THSD7B: variants seen among roughly 807,000 people sequenced by gnomAD.
The protein encoded by THSD7B is thrombospondin type 1 domain containing 7B, also known as thrombospondin type-1 domain-containing protein 7B.
In THSD7B, 138 loss-of-function variants were observed where a neutral mutation model predicts 213.6. That is an observed-to-expected ratio of 0.65 (90% CI 0.56 to 0.74). The LOEUF is 0.74. Ranked by LOEUF, THSD7B falls within the 30% of genes least tolerant of loss-of-function variation. The probability of loss-of-function intolerance (pLI) is 0.00; values close to 1 mark genes in which losing one functional copy is unlikely to be tolerated. For missense variants in THSD7B, 1,931 were observed against 1,991.5 expected, an observed-to-expected ratio of 0.97 and a Z score of 0.58; for synonymous variants, 742 against 687.0, an observed-to-expected ratio of 1.08 and a Z score of -1.25.
In THSD7B at chr2:137,616,561, C is replaced by T. The variant is rs114220495; in HGVS notation, c.3565+245C>T. On this transcript the variant is annotated intron_variant, in intron 18 of 27. Coordinates refer to ENST00000409968, the MANE Select transcript of THSD7B (RefSeq NM_001316349.2). ...AGAGAAGCTTAGAAAGATTTGGCAA[C>T]ATTTCAGCAAAATGTTGATTTAAGC... Among the ~76,000 whole-genome samples, 576 of 152,236 alleles carry T rather than the reference C, an allele frequency of 3.8e-3. 4 individuals are homozygous for T. Among genetic ancestry groups the T allele is most frequent in the African/African-American group, 0.013 (541 of 41,534 alleles).
At chr2:137,666,755 A>G (rs1225915259) in intron 26 of THSD7B, among the ~76,000 whole-genome samples, 3 of 152,122 alleles carry the variant, frequency 2.0e-5, no homozygotes, top group Non-Finnish European at 2.9e-5. Flanking sequence ...TTAGAGTGAC[A>G]GAAACAACTC....
chr2:137,142,395 G>C lies in THSD7B; in HGVS notation c.1370-17818G>C, dbSNP rs528959296. ...GCCCTCCTGACCAAAACACCTCTTAGAGGTAACTTTTCTCAATATCATTAC... is the reference window on the plus strand; with the variant it reads ...GCCCTCCTGACCAAAACACCTCTTACAGGTAACTTTTCTCAATATCATTAC... On this transcript the variant is annotated intron_variant, in intron 5 of 27. Coordinates refer to ENST00000409968, the MANE Select transcript of THSD7B (RefSeq NM_001316349.2). Among the ~76,000 whole-genome samples the C allele has an allele frequency of 3.3e-5, 5 of 152,254 alleles. No homozygotes were observed. In the East Asian group the frequency reaches 9.7e-4, roughly 29 times the overall value.
At chr2:136,844,975 G>T (rs1682984697) in intron 1 of THSD7B, among the ~76,000 whole-genome samples, 1 of 152,332 alleles carries the variant, frequency 6.6e-6, no homozygotes, top group Admixed American at 6.5e-5. Context: ...CCTTTCATAT[G>T]TGTTGATACC....
At chr2:137,555,997 A>G (rs1044826959) in intron 15 of THSD7B, among the ~76,000 whole-genome samples, 1 of 152,202 alleles carries the variant, frequency 6.6e-6, no homozygotes, top group African/African-American at 2.4e-5. Flanking sequence ...TAGAGAAAGA[A>G]GAGAAAAAGA....
At chr2:136,947,243 T>C (rs1482994883) in intron 2 of THSD7B, among the ~76,000 whole-genome samples, 1 of 152,144 alleles carries the variant, frequency 6.6e-6, no homozygotes, top group African/African-American at 2.4e-5. Flanking sequence ...CTATTCCACA[T>C]TGAAAGGCAA....
At chr2:137,210,492 G>A (rs1461213843) in intron 7 of THSD7B, among the ~76,000 whole-genome samples, 1 of 152,032 alleles carries the variant, frequency 6.6e-6, no homozygotes, top group Non-Finnish European at 1.5e-5. Flanking sequence ...CGTTCTTACA[G>A]TTATGTAGGA....
At chr2:136,961,851 T>C (rs1466088401) in intron 2 of THSD7B, among the ~76,000 whole-genome samples, 1 of 152,196 alleles carries the variant, frequency 6.6e-6, no homozygotes, top group African/African-American at 2.4e-5. Flanking sequence ...TTTAAGAATA[T>C]AAAATGATTT....
chr2:137,200,491 A>G (rs754608852), intron 7 of THSD7B, among the ~76,000 whole-genome samples: 6 of 152,102 alleles, frequency 3.9e-5, no homozygotes, highest in Non-Finnish European at 8.8e-5. Flanking sequence ...AGTAAAATGT[A>G]ACATACATAT....
intron 1 of THSD7B, among the ~76,000 whole-genome samples, chr2:136,819,687 C>CG (rs370779028): frequency 6.9e-6 from 1 of 144,006 alleles, no homozygotes; most frequent in African/African-American, 2.9e-5. Context: ...CTTGCTTATG[C>CG]CCCCCCCAGT....
At chr2:137,158,234 CT>C (rs1193321147) in intron 5 of THSD7B, among the ~76,000 whole-genome samples, 1 of 152,208 alleles carries the variant, frequency 6.6e-6, no homozygotes, top group African/African-American at 2.4e-5. Flanking sequence ...TCACAAACCC[CT>C]TCCCCATCTC....
At chr2:136,925,103 C>T (rs1203848939) in intron 2 of THSD7B, among the ~76,000 whole-genome samples, 1 of 152,090 alleles carries the variant, frequency 6.6e-6, no homozygotes, top group African/African-American at 2.4e-5. Flanking sequence ...TCCACACACA[C>T]AATGAGGTCA....
chr2:136,770,288 A>G (rs1681481689), intron 1 of THSD7B, among the ~76,000 whole-genome samples: 1 of 152,188 alleles, frequency 6.6e-6, no homozygotes, highest in African/African-American at 2.4e-5. Context: ...TTATAATAAG[A>G]CTAAGGCTTG....
chr2:136,863,779 A>C (rs1047550931), intron 1 of THSD7B, among the ~76,000 whole-genome samples: 3 of 152,190 alleles, frequency 2.0e-5, no homozygotes, highest in Admixed American at 2.0e-4. Context: ...AGCTTTCATT[A>C]TTGAGCTTCA....
At chr2:137,236,664 C>T (rs1432662001) in intron 9 of THSD7B, among the ~76,000 whole-genome samples, 2 of 152,176 alleles carry the variant, frequency 1.3e-5, no homozygotes, top group Non-Finnish European at 2.9e-5. Flanking sequence ...TCCATTTAAA[C>T]ATTTAACATT....
intron 20 of THSD7B, among the ~76,000 whole-genome samples, chr2:137,640,968 A>G (rs1682928070): frequency 6.6e-6 from 1 of 152,208 alleles, no homozygotes. Context: ...CACCAAATCT[A>G]TGATAATATT....
intron 5 of THSD7B, among the ~76,000 whole-genome samples, chr2:137,122,411 A>G (rs1688561638): frequency 6.6e-6 from 1 of 152,134 alleles, no homozygotes; most frequent in Non-Finnish European, 1.5e-5. Context: ...GCCTTAAAGG[A>G]AGTTCATGGT....
At chr2:137,264,406 C>T (rs1682530149) in intron 10 of THSD7B, among the ~76,000 whole-genome samples, 1 of 152,072 alleles carries the variant, frequency 6.6e-6, no homozygotes, top group African/African-American at 2.4e-5. Flanking sequence ...GCACCCGCCA[C>T]CATGCCTAAT....
intron 1 of THSD7B, among the ~76,000 whole-genome samples, chr2:136,809,901 G>A (rs1202103304): frequency 2.0e-5 from 3 of 152,184 alleles, no homozygotes; most frequent in Non-Finnish European, 4.4e-5. Context: ...GGTACTCACA[G>A]AATAGGCATG....
Position 137,139,861 on chromosome 2 carries a change from ATGATGTCAAATACTT to A in THSD7B, c.1370-20350_1370-20336del, listed in dbSNP as rs1044780941. ...AGTGTCCCTAGTAAAAAGATAACAC[ATGATGTCAAATACTT>A]TATGATATTTTATATCAATGACACT... On this transcript the variant is annotated intron_variant, in intron 5 of 27. Transcript: ENST00000409968. 1.1e-4 allele frequency among the ~76,000 whole-genome samples: 17 copies of A among 152,340 alleles called. 1 individual carries two copies. The South Asian group carries it at 2.3e-3, about 20-fold the overall frequency.
Sources: allele counts gnomAD v4.1 joint callset (sites outside exome capture counted in the v4.1 genomes callset), GRCh38; gene constraint gnomAD v4.1.1; transcripts MANE v1.5; gene names NCBI Gene and HGNC (gene_info 2026-07-23, HGNC 2026-07-21).